Variants in SH3KBP1 observed in about 807,000 individuals in gnomAD.
SH3KBP1 encodes SH3 domain containing kinase binding protein 1.
In SH3KBP1, 8 loss-of-function variants were observed where a neutral mutation model predicts 50.1. That is an observed-to-expected ratio of 0.16 (90% CI 0.09 to 0.29). The LOEUF (loss-of-function observed/expected upper bound fraction) is 0.29. Among genes scored for constraint, SH3KBP1 ranks in the 10% least tolerant of loss-of-function variants. SH3KBP1 has a pLI of 1.00. For synonymous variants in SH3KBP1, 227 were observed against 218.6 expected, an observed-to-expected ratio of 1.04 and a Z score of -0.34; for missense variants, 377 against 535.2, an observed-to-expected ratio of 0.70 and a Z score of 2.92.
At position 19,820,067 on chromosome X, in the gene SH3KBP1, A is replaced by G. The variant is rs142596032; in HGVS notation, c.162+16058T>C. On this transcript the variant is annotated intron_variant, in intron 2 of 17. Coordinates refer to ENST00000397821, the MANE Select transcript of SH3KBP1 (RefSeq NM_031892.3). The stretch of plus-strand genomic sequence containing the variant: ...CTAGCTTAATTACTTATGGTCAAAG[A>G]ACACCTTTTTTATTATCTCAATTCC... Among the ~76,000 whole-genome samples the G allele has an allele frequency of 1.3e-3, 146 of 111,925 alleles. 5 individuals carry two copies. In the East Asian group the frequency reaches 0.031, roughly 24 times the overall value.
In SH3KBP1 at chrX:19,669,325, A is replaced by AATAATAATAATT. The variant is rs780980302; in HGVS notation, c.726+14497_726+14498insAATTATTATTAT. Among the ~76,000 whole-genome samples the AATAATAATAATT allele has an allele frequency of 2.4e-3, 244 of 102,537 alleles. 1 individual carries two copies. Among genetic ancestry groups the AATAATAATAATT allele is most frequent in the African/African-American group, 8.5e-3 (233 of 27,569 alleles). The allele number at this position is 102,537 out of a possible 115,157, so 89.0% of individuals were successfully genotyped here. A position where few individuals can be genotyped will look rare whatever the true frequency, so the allele number is the denominator to read the frequency against. On this transcript the variant is annotated intron_variant, in intron 6 of 17. Transcript: ENST00000397821. ...AACTTTGAATAATAATAATAATAAT[A>AATAATAATAATT]ATTATTATTATTATTACAAAGAGCT...
At position 19,617,319 on chromosome X, in the gene SH3KBP1, GCAAGTCTAATTACC is replaced by G. The variant is rs904328623; in HGVS notation, c.898-9288_898-9275del. On this transcript the variant is annotated intron_variant, in intron 8 of 17. Coordinates refer to ENST00000397821, the MANE Select transcript of SH3KBP1 (RefSeq NM_031892.3). ...TGTTAGAGTTGTCTATGACAGGAAG[GCAAGTCTAATTACC>G]CTTTACTCTATAATAGCCGCAACCC... 2.7e-5 allele frequency among the ~76,000 whole-genome samples: 3 copies of G among 112,217 alleles called. No homozygotes were observed. In the Admixed American group the frequency reaches 2.8e-4, roughly 11 times the overall value.
chrX:19,821,105 T>C (rs1603264257), intron 2 of SH3KBP1, among the ~76,000 whole-genome samples: 1 of 112,113 alleles, frequency 8.9e-6, no homozygotes, highest in Non-Finnish European at 1.9e-5. Context: ...AAATTAATGA[T>C]ACAAGCCGGG....
chrX:19,741,201 A>C (rs1209769545), intron 3 of SH3KBP1, among the ~76,000 whole-genome samples: 1 of 112,386 alleles, frequency 8.9e-6, no homozygotes, highest in Admixed American at 9.4e-5. Flanking sequence ...ATGAACCCAC[A>C]GAGCAATGTT....
intron 7 of SH3KBP1, among the ~76,000 whole-genome samples, chrX:19,637,411 G>A (rs1022967156): frequency 8.9e-6 from 1 of 112,290 alleles, no homozygotes; most frequent in African/African-American, 3.2e-5. Flanking sequence ...TCAAGTAGCA[G>A]AAAAGGGTTT....
intron 8 of SH3KBP1, among the ~76,000 whole-genome samples, chrX:19,621,073 C>CTTTTTTTTTTTTTTTT (rs1186690221): frequency 3.1e-5 from 1 of 32,676 alleles, no homozygotes; most frequent in Non-Finnish European, 5.9e-5. Flanking sequence ...TCTTTTCTTT[C>CTTTTTTTTTTTTTTTT]TTTTTTTTTT....
At chrX:19,861,836 T>C (rs1050548086) in intron 1 of SH3KBP1, among the ~76,000 whole-genome samples, 1 of 112,122 alleles carries the variant, frequency 8.9e-6, no homozygotes, top group African/African-American at 3.2e-5. Flanking sequence ...TCTGGTGAAC[T>C]GTTCCTGGAT....
At chrX:19,543,041 T>G (rs940388055) in intron 15 of SH3KBP1, among the ~76,000 whole-genome samples, 21 of 111,523 alleles carry the variant, frequency 1.9e-4, no homozygotes, top group African/African-American at 6.2e-4. Flanking sequence ...ACCCAGGCAG[T>G]GGCTAGGAGG....
chrX:19,673,351 A>C (rs1293883644), intron 6 of SH3KBP1, among the ~76,000 whole-genome samples: 1 of 111,955 alleles, frequency 8.9e-6, no homozygotes, highest in African/African-American at 3.2e-5. Context: ...AGGCCCTCTC[A>C]ACTTCAAATT....
At chrX:19,554,007 A>ATT (rs2065347604) in intron 13 of SH3KBP1, among the ~76,000 whole-genome samples, 2 of 55,567 alleles carry the variant, frequency 3.6e-5, no homozygotes, top group African/African-American at 2.1e-4. Flanking sequence ...ATTAAAATAT[A>ATT]ATATATAATA....
rs750168535 is a variant in SH3KBP1 at position 19,872,606 on chromosome X, C to T, written c.4+14701G>A. Among the ~76,000 whole-genome samples, 568 of 108,735 alleles carry T rather than the reference C, an allele frequency of 5.2e-3. 5 individuals carry two copies. The highest frequency in any genetic ancestry group is 0.019 in the African/African-American group (555 of 29,620). The allele number at this position is 108,735 out of a possible 115,157, so 94.4% of individuals were successfully genotyped here. A position where few individuals can be genotyped will look rare whatever the true frequency, so the allele number is the denominator to read the frequency against. On this transcript the variant is annotated intron_variant, in intron 1 of 17. Transcript: ENST00000397821. ...CTAACACGGTGAAACCTCATCTCTG[C>T]TAAAAAAAAAATACAAAAAATTAGC...
At chrX:19,659,904 G>T (rs1010642396) in intron 6 of SH3KBP1, among the ~76,000 whole-genome samples, 3 of 112,643 alleles carry the variant, frequency 2.7e-5, no homozygotes, top group Non-Finnish European at 5.6e-5. Flanking sequence ...ATAAATGCTG[G>T]AGGAGGAGGA....
intron 9 of SH3KBP1, among the ~76,000 whole-genome samples, chrX:19,598,229 TTTTATTTATTTA>T (rs60833421): frequency 5.7e-4 from 58 of 101,925 alleles, no homozygotes; most frequent in African/African-American, 1.0e-3. Context: ...GCAAGTCTGT[TTTTATTTATTTA>T]TTTATTTATT....
chrX:19,618,086 A>C lies in SH3KBP1; in HGVS notation c.898-10041T>G, dbSNP rs994045219. 6.3e-5 allele frequency among the ~76,000 whole-genome samples: 7 copies of C among 110,942 alleles called. No individual in the cohort carries two copies. The Admixed American group carries it at 6.7e-4, about 11-fold the overall frequency. ...TGTGTGCTCAGCCTGTTTTCCTCTT[A>C]GAAAAAGATGTTTCTAGGGCTAGGC... On this transcript the variant is annotated intron_variant, in intron 8 of 17. Transcript: ENST00000397821.
chrX:19,783,393 C>T (rs889149595), intron 2 of SH3KBP1, among the ~76,000 whole-genome samples: 6 of 111,772 alleles, frequency 5.4e-5, no homozygotes, highest in African/African-American at 2.0e-4. Flanking sequence ...AGCATTTGTT[C>T]GTGCTTGAAA....
intron 7 of SH3KBP1, among the ~76,000 whole-genome samples, chrX:19,635,494 C>T (rs1296237544): frequency 1.8e-5 from 2 of 108,485 alleles, no homozygotes; most frequent in Non-Finnish European, 3.8e-5. Context: ...ACACATATAC[C>T]TGTGTAACAA....
rs1023265426 is a variant in SH3KBP1 at position 19,537,351 on chromosome X, G to A, written c.1956+366C>T. Among the ~76,000 whole-genome samples the A allele has an allele frequency of 1.3e-4, 14 of 110,425 alleles. No homozygotes were observed. The South Asian group carries it at 1.9e-3, about 15-fold the overall frequency. Reference sequence around the variant, plus strand: ...CACATGCCTGTAGTCCCAGCTAATCGGGAGTCTGAGGCAGGAGAATCGCTT... The same window carrying A: ...CACATGCCTGTAGTCCCAGCTAATCAGGAGTCTGAGGCAGGAGAATCGCTT... On this transcript the variant is annotated intron_variant, in intron 17 of 17. Transcript: ENST00000397821.
intron 3 of SH3KBP1, among the ~76,000 whole-genome samples, chrX:19,725,249 T>C (rs1293791402): frequency 5.8e-5 from 6 of 104,085 alleles, no homozygotes; most frequent in African/African-American, 2.1e-4. Flanking sequence ...GACCAGGAGT[T>C]TGAACCCAGC....
intron 2 of SH3KBP1, among the ~76,000 whole-genome samples, chrX:19,755,886 A>G (rs1160997529): frequency 9.0e-6 from 1 of 111,556 alleles, no homozygotes; most frequent in Non-Finnish European, 1.9e-5. Flanking sequence ...CGCTGCATGC[A>G]GTCCCCAGTC....
Sources: gnomAD v4.1 joint callset for allele counts (sites outside exome capture counted in the v4.1 genomes callset) on GRCh38, gnomAD v4.1.1 for gene constraint, MANE v1.5 for transcripts, NCBI Gene and HGNC (gene_info 2026-07-23, HGNC 2026-07-21) for gene names.